RANBP2: variants seen among roughly 807,000 people sequenced by gnomAD.
RANBP2 encodes the protein E3 SUMO-protein ligase RanBP2.
Under a neutral mutation model 303.6 loss-of-function variants are expected in RANBP2, and 57 were observed. That is an observed-to-expected ratio of 0.19 (90% CI 0.15 to 0.23). The LOEUF (loss-of-function observed/expected upper bound fraction) is 0.23. RANBP2 is among the 10% of genes least tolerant of loss of function. The pLI is 1.00. For missense variants in RANBP2, 3,138 were observed against 3,780.8 expected, an observed-to-expected ratio of 0.83 and a Z score of 4.46; for synonymous variants, 1,167 against 1,301.5, an observed-to-expected ratio of 0.90 and a Z score of 2.23.
the RANBP2 span, among the ~76,000 whole-genome samples, chr2:109,727,025 G>A: frequency 1.3e-5 from 2 of 152,190 alleles, no homozygotes; most frequent in Admixed American, 6.5e-5. Flanking sequence ...GGCTACAGTT[G>A]GAGGCGCGTG....
chr2:109,622,614 T>G, the RANBP2 span, among the ~76,000 whole-genome samples: 1 of 152,202 alleles, frequency 6.6e-6, no homozygotes, highest in Non-Finnish European at 1.5e-5. Flanking sequence ...GTGGAGCTGC[T>G]AAAATATTTG....
At chr2:108,912,665 G>A in the RANBP2 span, 1 of 1,575,910 alleles carries the variant, frequency 6.3e-7, no homozygotes, top group Non-Finnish European at 8.6e-7. Flanking sequence ...CGATACCTGA[G>A]CACCCTCCTC....
rs1573816443 is a variant in RANBP2, at chr2:108,766,263, A to T, written c.5724A>T (p.Gln1908His). The part of the protein sequence containing the change: ...FKFGISEPGN[Q>H]EKKSEKPLEN... Reference sequence around the variant, plus strand: ...TTGGCATTTCGGAACCAGGAAATCAAGAAAAGAAAAGTGAAAAGCCTCTTG... The same window carrying T: ...TTGGCATTTCGGAACCAGGAAATCATGAAAAGAAAAGTGAAAAGCCTCTTG... Residue 1908 changes from glutamine to histidine, a missense_variant, in exon 20 of 29, where the codon CAA becomes CAT. Gln to His is a conservative substitution (Grantham distance 24). Coordinates refer to ENST00000283195, the MANE Select transcript of RANBP2 (RefSeq NM_006267.5). The T allele has an allele frequency of 1.2e-6, 2 of 1,612,186 alleles. No individual in the cohort carries two copies. The highest frequency in any genetic ancestry group is 4.5e-4 in the Middle Eastern group (2 of 4,434).
chr2:108,866,141 AG>A, the RANBP2 span, among the ~76,000 whole-genome samples: 1 of 152,190 alleles, frequency 6.6e-6, no homozygotes, highest in Non-Finnish European at 1.5e-5. Flanking sequence ...TTTCACAGAA[AG>A]GGAATTTGGC....
At chr2:109,677,372 T>G in the RANBP2 span, among the ~76,000 whole-genome samples, 1 of 152,336 alleles carries the variant, frequency 6.6e-6, no homozygotes, top group South Asian at 2.1e-4. Flanking sequence ...AGGTCGCCTT[T>G]GTGCCAATTT....
the RANBP2 span, among the ~76,000 whole-genome samples, chr2:108,881,698 A>T: frequency 6.6e-6 from 1 of 152,192 alleles, no homozygotes; most frequent in Non-Finnish European, 1.5e-5. Context: ...CAGTATTGTT[A>T]TGTCTCAGGA....
At chr2:109,361,556 C>T in the RANBP2 span, among the ~76,000 whole-genome samples, 1 of 152,152 alleles carries the variant, frequency 6.6e-6, no homozygotes, top group Non-Finnish European at 1.5e-5. Context: ...TCATTGCAAC[C>T]TCCGCCTCCC....
the RANBP2 span, among the ~76,000 whole-genome samples, chr2:109,641,826 A>G: frequency 1.3e-5 from 2 of 151,836 alleles, no homozygotes; most frequent in Non-Finnish European, 2.9e-5. Context: ...TTATTTTGAG[A>G]TGAAGTTTCA....
chr2:109,584,397 C>G, the RANBP2 span, among the ~76,000 whole-genome samples: 2 of 137,116 alleles, frequency 1.5e-5, no homozygotes, highest in Non-Finnish European at 3.0e-5. Flanking sequence ...ACCGCTTGAA[C>G]TGGGGAGGTG....
At chr2:109,719,027 A>AC in the RANBP2 span, among the ~76,000 whole-genome samples, 23,368 of 118,132 alleles carry the variant, frequency 0.2, 3,134 homozygotes, top group East Asian at 0.33. Flanking sequence ...AAAAAAAAAA[A>AC]AGAAACAAAA....
At chr2:108,982,071 A>G in the RANBP2 span, among the ~76,000 whole-genome samples, 117,427 of 152,162 alleles carry the variant, frequency 0.77, 46,867 homozygotes, top group South Asian at 0.87. Context: ...TAACAGCACC[A>G]TGCAATTTGG....
chr2:109,374,267 G>A, the RANBP2 span, among the ~76,000 whole-genome samples: 1 of 152,238 alleles, frequency 6.6e-6, no homozygotes, highest in Non-Finnish European at 1.5e-5. Context: ...GCCCCTTTCT[G>A]AGATGGCTGC....
the RANBP2 span, among the ~76,000 whole-genome samples, chr2:108,847,309 C>G: frequency 6.6e-6 from 1 of 152,218 alleles, no homozygotes; most frequent in Non-Finnish European, 1.5e-5. Context: ...GAAGTTTTCT[C>G]CCACAACCAT....
chr2:109,595,877 A>C, the RANBP2 span, among the ~76,000 whole-genome samples: 5 of 152,282 alleles, frequency 3.3e-5, no homozygotes, highest in East Asian at 7.7e-4. Flanking sequence ...CACAATGAGG[A>C]GGAGGGTAGA....
downstream of RANBP2, chr2:108,787,953 A>G: frequency 8.5e-7 from 1 of 1,177,986 alleles, no homozygotes; most frequent in South Asian, 1.4e-5. Context: ...TGTAATTAAT[A>G]CATAATTTGT....
In RANBP2 at chr2:108,771,704, A is replaced by G; in HGVS notation, c.7853A>G (p.Lys2618Arg). The change falls in exon 21 of 29, where the codon AAA becomes AGA. Residue 2618 changes from lysine (K) to arginine (R), a missense_variant. Lys to Arg is a conservative substitution (Grantham distance 26). Transcript: ENST00000283195. ...ATTTTTTTGACTGGTGTTACAGCAA[A>G]AGAGAAGAAAAAACCTGAAGATTCT... ...NYTFKTPEKAKEKKKPEDSPS... is the reference protein window; with the variant it reads ...NYTFKTPEKAREKKKPEDSPS... 1 of 1,612,550 alleles carries G rather than the reference A, an allele frequency of 6.2e-7. No homozygotes were observed. Among genetic ancestry groups the G allele is most frequent in the Non-Finnish European group, 8.5e-7 (1 of 1,179,872 alleles).
the RANBP2 span, among the ~76,000 whole-genome samples, chr2:109,423,871 A>G: frequency 6.6e-6 from 1 of 152,202 alleles, no homozygotes; most frequent in East Asian, 1.9e-4. Flanking sequence ...CTGCACCTCT[A>G]GAGAGGGCAC....
At chr2:109,292,483 C>T in the RANBP2 span, among the ~76,000 whole-genome samples, 2 of 152,184 alleles carry the variant, frequency 1.3e-5, no homozygotes, top group Non-Finnish European at 2.9e-5. Flanking sequence ...GAAATCATTG[C>T]GCATATTTCC....
the RANBP2 span, among the ~76,000 whole-genome samples, chr2:109,010,565 GC>G: frequency 1.3e-5 from 2 of 152,162 alleles, no homozygotes; most frequent in African/African-American, 4.8e-5. Context: ...CTTGCAGATG[GC>G]TGTCTTCTTG....
Sources: allele counts gnomAD v4.1 joint callset (sites outside exome capture counted in the v4.1 genomes callset), GRCh38; gene constraint gnomAD v4.1.1; transcripts MANE v1.5; gene names NCBI Gene and HGNC (gene_info 2026-07-23, HGNC 2026-07-21).